TAF4B: variants seen among roughly 807,000 people sequenced by gnomAD.
TAF4B encodes TATA-box binding protein associated factor 4b, also known as transcription initiation factor TFIID subunit 4B.
In TAF4B, 38 loss-of-function variants were observed where a neutral mutation model predicts 86.4. The observed-to-expected ratio is 0.44, with a 90% CI of 0.34 to 0.58. TAF4B has a LOEUF of 0.58. TAF4B is among the 20% of genes least tolerant of loss of function. The probability of loss-of-function intolerance (pLI) is 0.02; values close to 1 mark genes in which losing one functional copy is unlikely to be tolerated. For synonymous variants in TAF4B, 388 were observed against 391.2 expected, an observed-to-expected ratio of 0.99 and a Z score of 0.10; for missense variants, 988 against 1,027.6, an observed-to-expected ratio of 0.96 and a Z score of 0.53.
intron 6 of TAF4B, 107 bp downstream of exon 6, chr18:26,282,167 CAG>C (rs2056458378): frequency 1.1e-6 from 1 of 919,506 alleles, no homozygotes; most frequent in South Asian, 1.5e-5. Flanking sequence ...AAGATACTGA[CAG>C]TGTGGGAGAA....
At position 26,385,693 on chromosome 18, in the gene TAF4B, TTC is replaced by T. The variant is rs1555627583; in HGVS notation, c.2422-4150_2422-4149del. ...GAATAAACAGCGTTTTTTTTTTTTT[TTC>T]TTCTTCTTCTTCTTCTTCTTGCAAA... On this transcript the variant is annotated intron_variant, in intron 14 of 14. Coordinates refer to ENST00000269142, the MANE Select transcript of TAF4B (RefSeq NM_005640.3). Among the ~76,000 whole-genome samples the T allele has an allele frequency of 2.1e-3, 290 of 140,840 alleles. 3 individuals are homozygous for T. Among genetic ancestry groups the T allele is most frequent in the African/African-American group, 8.0e-3 (272 of 34,198 alleles). 92.4% of individuals were successfully genotyped at this position (140,840 alleles called of 152,430 possible).
At chr18:26,338,013 G>T (rs1030468506) in intron 13 of TAF4B, among the ~76,000 whole-genome samples, 1 of 152,134 alleles carries the variant, frequency 6.6e-6, no homozygotes, top group African/African-American at 2.4e-5. Flanking sequence ...GCAGAACTTC[G>T]AAGAACTGTT....
At chr18:26,331,391 A>G (rs112784214) in intron 12 of TAF4B, among the ~76,000 whole-genome samples, 185 of 152,128 alleles carry the variant, frequency 1.2e-3, no homozygotes, top group African/African-American at 4.1e-3. Flanking sequence ...ATCCTATGCC[A>G]CCTTCTCTGT....
chr18:26,306,599 T>C (rs929614679), intron 9 of TAF4B, among the ~76,000 whole-genome samples: 1 of 152,200 alleles, frequency 6.6e-6, no homozygotes, highest in African/African-American at 2.4e-5. Flanking sequence ...AAGGAGTATT[T>C]ATAATCTCAG....
intron 1 of TAF4B, among the ~76,000 whole-genome samples, chr18:26,232,283 A>G (rs1276055227): frequency 6.6e-6 from 1 of 152,012 alleles, no homozygotes; most frequent in Non-Finnish European, 1.5e-5. Context: ...TGACCGCTCT[A>G]GTTACTTCTT....
chr18:26,340,433 A>G (rs71362636), intron 13 of TAF4B, among the ~76,000 whole-genome samples: 1 of 152,194 alleles, frequency 6.6e-6, no homozygotes, highest in Non-Finnish European at 1.5e-5. Flanking sequence ...ACATTCTAGC[A>G]ATCAAATTAA....
intron 9 of TAF4B, among the ~76,000 whole-genome samples, chr18:26,314,670 G>A (rs1373628478): frequency 6.6e-6 from 1 of 152,088 alleles, no homozygotes; most frequent in African/African-American, 2.4e-5. Context: ...TCTTCCCAAG[G>A]GTCTTTATGT....
chr18:26,338,305 T>C (rs2057108587), intron 13 of TAF4B, among the ~76,000 whole-genome samples: 1 of 151,566 alleles, frequency 6.6e-6, no homozygotes, highest in Admixed American at 6.6e-5. Flanking sequence ...AAAAATTAGC[T>C]GAGTGTGGTG....
chr18:26,257,828 C>A (rs1353368983), intron 1 of TAF4B, among the ~76,000 whole-genome samples: 3 of 144,548 alleles, frequency 2.1e-5, no homozygotes. Flanking sequence ...TCATTTCTGG[C>A]TTTCCTCTGC....
intron 14 of TAF4B, among the ~76,000 whole-genome samples, chr18:26,359,514 AG>A (rs2057314335): frequency 6.6e-6 from 1 of 152,220 alleles, no homozygotes; most frequent in African/African-American, 2.4e-5. Context: ...TAAATTATAT[AG>A]CATAGTAGAA....
chr18:26,267,425 G>T (rs74876546), intron 2 of TAF4B, 91 bp from the exon 3 acceptor site: 1 of 830,040 alleles, frequency 1.2e-6, no homozygotes, highest in Non-Finnish European at 2.1e-6. Flanking sequence ...TACATTTGCT[G>T]TCATAAAGTG....
In TAF4B at chr18:26,277,581, A is replaced by G. The variant is rs868396908; in HGVS notation, c.882+2528A>G. 2.0e-5 allele frequency among the ~76,000 whole-genome samples: 3 copies of G among 152,142 alleles called. No homozygotes were observed. The South Asian group carries it at 6.2e-4, about 32-fold the overall frequency. ...TCTTCTGCATTTAATCTGTTTTGTG[A>G]TATGTTATTTTTTTGGGAGTATTTG... On this transcript the variant is annotated intron_variant, in intron 5 of 14. Coordinates refer to ENST00000269142, the MANE Select transcript of TAF4B (RefSeq NM_005640.3).
intron 12 of TAF4B, among the ~76,000 whole-genome samples, chr18:26,328,534 A>G (rs2057024802): frequency 6.6e-6 from 1 of 152,220 alleles, no homozygotes; most frequent in Non-Finnish European, 1.5e-5. Flanking sequence ...AAAAGTTGCC[A>G]AAACTGTACA....
rs77443297 is a variant in TAF4B at position 26,373,971 on chromosome 18, C to T, written c.2422-15874C>T. Among the ~76,000 whole-genome samples, 4 of 152,260 alleles carry T rather than the reference C, an allele frequency of 2.6e-5. No homozygotes were observed. The East Asian group carries it at 7.7e-4, about 29-fold the overall frequency. The stretch of plus-strand genomic sequence containing the variant: ...TGTACGAGGGGAGCCCATGATGTAC[C>T]TTGTTAGCATGGTGGCCATGATAGC... On this transcript the variant is annotated intron_variant, in intron 14 of 14. Transcript: ENST00000269142.
At position 26,285,925 on chromosome 18, in the gene TAF4B, G is replaced by A. The variant is rs767540067; in HGVS notation, c.1016G>A (p.Ser339Asn). 1.2e-6 allele frequency: 2 copies of A among 1,613,844 alleles called. No homozygotes were observed. Among genetic ancestry groups the A allele is most frequent in the East Asian group, 2.2e-5 (1 of 44,882 alleles). Residue 339 changes from serine to asparagine, a missense_variant, in exon 7 of 15, where the codon AGC (serine) becomes AAC (asparagine). By Grantham distance (46) the Ser-to-Asn change is conservative. This residue lies in a region of TAF4B where 747 missense variants were observed against 737.9 expected (regional missense o/e 1.01). Coordinates refer to ENST00000269142, the MANE Select transcript of TAF4B (RefSeq NM_005640.3). Reference sequence around the variant, plus strand: ...CGACAACTTCTGCCTAACTCCCAGAGCTTCATCCAGCAATGTGTTCAGCAG... The same window carrying A: ...CGACAACTTCTGCCTAACTCCCAGAACTTCATCCAGCAATGTGTTCAGCAG... ...ALRQLLPNSQSFIQQCVQQTS... is the reference protein window; with the variant it reads ...ALRQLLPNSQNFIQQCVQQTS...
chr18:26,246,812 C>T (rs1237347272), intron 1 of TAF4B, among the ~76,000 whole-genome samples: 5 of 151,666 alleles, frequency 3.3e-5, no homozygotes, highest in South Asian at 2.1e-4. Flanking sequence ...GCATTACAGG[C>T]GTGAGCCACC....
In TAF4B at chr18:26,293,442, A is replaced by G. The variant is rs772254858; in HGVS notation, c.1743A>G (p.Gln581=). The change falls in exon 9 of 15, where the codon CAA becomes CAG. Residue 581 remains glutamine (Q), a synonymous_variant. Coordinates refer to ENST00000269142, the MANE Select transcript of TAF4B (RefSeq NM_005640.3). ...TTTTTATAGCTTCCATTCTAAAGCA[A>G]ATTACTCTGCCTGGAAATAAAATTC... The part of the protein sequence containing the change: ...SQFPPASILK[Q]ITLPGNKILS... 1 of 1,595,210 alleles carries G rather than the reference A, an allele frequency of 6.3e-7. No homozygotes were observed.
chr18:26,351,240 T>C (rs985806028), intron 13 of TAF4B, among the ~76,000 whole-genome samples: 2 of 152,138 alleles, frequency 1.3e-5, no homozygotes, highest in African/African-American at 4.8e-5. Context: ...ACTGGAGGAC[T>C]TATGTTAAGT....
chr18:26,379,392 G>A (rs2057463321), intron 14 of TAF4B, among the ~76,000 whole-genome samples: 2 of 152,034 alleles, frequency 1.3e-5, no homozygotes, highest in Non-Finnish European at 2.9e-5. Context: ...GCTGTGAAGT[G>A]GGGGTTGAAA....
Sources: allele counts gnomAD v4.1 joint callset (sites outside exome capture counted in the v4.1 genomes callset), GRCh38; gene constraint gnomAD v4.1.1; regional missense constraint gnomAD v4.1.1; transcripts MANE v1.5; gene names NCBI Gene and HGNC (gene_info 2026-07-23, HGNC 2026-07-21).